Variants in FLT1 observed in about 807,000 individuals in gnomAD.
FLT1 encodes fms related receptor tyrosine kinase 1.
A neutral mutation model predicts 156.3 loss-of-function variants in FLT1; 49 were observed. That is an observed-to-expected ratio of 0.31 (90% CI 0.25 to 0.40). The LOEUF is 0.40. FLT1 is among the 10% of genes least tolerant of loss of function. The probability of loss-of-function intolerance (pLI) is 1.00; values close to 1 mark genes in which losing one functional copy is unlikely to be tolerated. For missense variants in FLT1, 1,322 were observed against 1,637.2 expected (o/e 0.81, Z 3.32); for synonymous variants, 594 against 583.8 (o/e 1.02, Z -0.25).
rs1399747085 is a variant in FLT1, at chr13:28,380,969, C to A, written c.2116+3916G>T. Among the ~76,000 whole-genome samples the A allele has an allele frequency of 1.3e-5, 2 of 152,058 alleles. 1 individual carries two copies. Among genetic ancestry groups the A allele is most frequent in the East Asian group, 3.8e-4 (2 of 5,196 alleles). On this transcript the variant is annotated intron_variant, in intron 14 of 29. Coordinates refer to ENST00000282397, the MANE Select transcript of FLT1 (RefSeq NM_002019.4). ...TAAGGAATAATGAGTTGCCCAAATT[C>A]TTATATGACTCATGAGGGCCATGCT...
At chr13:28,320,364 T>C (rs1429304498) in intron 23 of FLT1, among the ~76,000 whole-genome samples, 2 of 152,206 alleles carry the variant, frequency 1.3e-5, no homozygotes, top group South Asian at 2.1e-4. Context: ...TTTCCTTCTA[T>C]ACAACAGATT....
chr13:28,356,743 A>C (rs1419170280), intron 15 of FLT1, among the ~76,000 whole-genome samples: 1 of 152,236 alleles, frequency 6.6e-6, no homozygotes, highest in Admixed American at 6.5e-5. Flanking sequence ...GCATTTGGAA[A>C]TAGGCTACTG....
intron 6 of FLT1, among the ~76,000 whole-genome samples, chr13:28,433,611 C>A (rs1877834953): frequency 1.3e-5 from 2 of 152,130 alleles, no homozygotes; most frequent in South Asian, 4.2e-4. Flanking sequence ...AAACAAAACC[C>A]CCAGACATCA....
chr13:28,302,559 G>A lies in FLT1; in HGVS notation c.*608C>T, dbSNP rs1011715561. On this transcript the variant is annotated 3_prime_UTR_variant, in exon 30 of 30. Transcript: ENST00000282397. The stretch of plus-strand genomic sequence containing the variant: ...TGGCTGGGCCCTCAAATGTAGAAGG[G>A]TCAGAGCTGGGAAGCCACTGAAATG... 1 of 233,432 alleles carries A rather than the reference G, an allele frequency of 4.3e-6. No individual in the cohort carries two copies. Among genetic ancestry groups the A allele is most frequent in the Admixed American group, 5.6e-5 (1 of 17,802 alleles). The allele number at this position is 233,432 out of a possible 1,614,324, so 14.5% of individuals were successfully genotyped here. A position where few individuals can be genotyped will look rare whatever the true frequency, so the allele number is the denominator to read the frequency against.
intron 26 of FLT1, 62 bp from the exon 27 acceptor site, chr13:28,311,794 C>G: frequency 6.4e-7 from 1 of 1,567,996 alleles, no homozygotes; most frequent in Non-Finnish European, 8.8e-7. Flanking sequence ...TTCTATGAAC[C>G]ATTATGTCAA....
intron 15 of FLT1, 21 bp downstream of exon 15, chr13:28,357,533 C>A (rs1461942111): frequency 1.2e-6 from 2 of 1,613,552 alleles, no homozygotes; most frequent in African/African-American, 2.7e-5. Flanking sequence ...TTTCTTGTTG[C>A]TTTCTTAAGC....
At chr13:28,429,098 T>G (rs1877521977) in intron 8 of FLT1, among the ~76,000 whole-genome samples, 1 of 152,186 alleles carries the variant, frequency 6.6e-6, no homozygotes, top group Non-Finnish European at 1.5e-5. Context: ...TTCAATTTAC[T>G]ATTAAACCTA....
At chr13:28,387,229 T>C (rs1169757205) in intron 13 of FLT1, 6 of 1,038,910 alleles carry the variant, frequency 5.8e-6, no homozygotes, top group Non-Finnish European at 7.0e-6. Flanking sequence ...CTCTGAAATA[T>C]ACAGTAATAT....
rs1871008535 is a variant in FLT1 at position 28,311,638 on chromosome 13, T to C, written c.3587A>G (p.Glu1196Gly). ...TPAFSEDFFK[E>G]SISAPKFNSG... ...ATTAAACTTCGGAGCTGAAATACTT[T>C]CCTTGAAGAAGTCCTCAGAGAAGGC... Residue 1196 changes from glutamate to glycine, a missense_variant, in exon 27 of 30, where the codon GAA becomes GGA. Glu to Gly is a moderately conservative substitution (Grantham distance 98). Around this residue, in one of 3 missense-constraint regions of FLT1, gnomAD observed 329 missense variants for 366.2 expected, o/e 0.90. Transcript: ENST00000282397. 1 of 1,613,908 alleles carries C rather than the reference T, an allele frequency of 6.2e-7. No individual in the cohort carries two copies. Among genetic ancestry groups the C allele is most frequent in the African/African-American group, 1.3e-5 (1 of 75,042 alleles).
intron 14 of FLT1, among the ~76,000 whole-genome samples, chr13:28,380,347 G>A (rs188827441): frequency 6.6e-6 from 1 of 152,298 alleles, no homozygotes; most frequent in East Asian, 1.9e-4. Context: ...AAGGGTCATC[G>A]TCATGGAGCA....
At chr13:28,425,252 C>T (rs1877272153) in intron 10 of FLT1, among the ~76,000 whole-genome samples, 1 of 152,096 alleles carries the variant, frequency 6.6e-6, no homozygotes, top group Non-Finnish European at 1.5e-5. Flanking sequence ...GCATATGCAA[C>T]CTTAAACTTC....
rs1165132399 is a variant in FLT1 at position 28,319,540 on chromosome 13, A to G, written c.3175-6T>C. 1.3e-6 allele frequency: 2 copies of G among 1,583,540 alleles called. No homozygotes were observed. Among genetic ancestry groups the G allele is most frequent in the Non-Finnish European group, 1.7e-6 (2 of 1,152,752 alleles). ...CATTTCAGAGGAAGTCGAGTCTAGAAGAGGGCAAGGGGGCCTTGAGCAGAA... is the reference window on the plus strand; with the variant it reads ...CATTTCAGAGGAAGTCGAGTCTAGAGGAGGGCAAGGGGGCCTTGAGCAGAA... On this transcript the variant is annotated splice_polypyrimidine_tract_variant and splice_region_variant and intron_variant, in intron 23 of 29. Transcript: ENST00000282397.
intron 14 of FLT1, among the ~76,000 whole-genome samples, chr13:28,382,502 C>T (rs1481766717): frequency 1.3e-5 from 2 of 152,090 alleles, no homozygotes; most frequent in Admixed American, 6.6e-5. Context: ...GAGTTGGAGC[C>T]GGTGGAAGAC....
At position 28,387,014 on chromosome 13, in the gene FLT1, A is replaced by G. The variant is rs1297418144; in HGVS notation, c.1970-1983T>C. 11 of 1,038,888 alleles carry G rather than the reference A, an allele frequency of 1.1e-5. No homozygotes were observed. In the Admixed American group the frequency reaches 1.7e-4, roughly 16 times the overall value. 64.4% of individuals were successfully genotyped at this position (1,038,888 alleles called of 1,614,324 possible). On this transcript the variant is annotated intron_variant, in intron 13 of 29. Transcript: ENST00000282397. ...AATTGTTTTTCTAGCTACAAAGTAT[A>G]GCATCATCAACACAGACACGATTTG...
chr13:28,452,350 G>A (rs542002403), intron 3 of FLT1, among the ~76,000 whole-genome samples: 3 of 152,272 alleles, frequency 2.0e-5, no homozygotes, highest in African/African-American at 7.2e-5. Context: ...TTCTGTAAAG[G>A]AATTTCTCTT....
intron 17 of FLT1, among the ~76,000 whole-genome samples, chr13:28,337,286 A>G (rs913385200): frequency 2.2e-4 from 34 of 152,134 alleles, no homozygotes; most frequent in African/African-American, 8.2e-4. Context: ...GGCTGCTGAT[A>G]GTAACCAACA....
intron 12 of FLT1, among the ~76,000 whole-genome samples, chr13:28,394,748 A>G (rs1476714543): frequency 6.6e-6 from 1 of 152,158 alleles, no homozygotes; most frequent in Non-Finnish European, 1.5e-5. Flanking sequence ...TATGGGGCCA[A>G]GTGAGCATGC....
chr13:28,300,521 CCACACA>C lies in FLT1; in HGVS notation c.*2640_*2645del, dbSNP rs57419092. 0.62 allele frequency: 139,952 copies of C among 225,178 alleles called. 38,514 individuals carry two copies. Among genetic ancestry groups the C allele is most frequent in the Admixed American group, 0.77 (13,245 of 17,186 alleles). The allele number at this position is 225,178 out of a possible 1,614,324, so 13.9% of individuals were successfully genotyped here. A position where few individuals can be genotyped will look rare whatever the true frequency, so the allele number is the denominator to read the frequency against. On this transcript the variant is annotated 3_prime_UTR_variant, in exon 30 of 30. Coordinates refer to ENST00000282397, the MANE Select transcript of FLT1 (RefSeq NM_002019.4). ...AGTTATGCACAAAACACACATACAC[CCACACA>C]CACACACACACACACACACACACAC...
rs1874576177 is a variant in FLT1, at chr13:28,389,567, C to T, written c.1969+229G>A. ...CTGAATGGGGGGCCCAGAGCTGGGG[C>T]CCGGGGGTCTCATTATTACTGCTAT... On this transcript the variant is annotated intron_variant, in intron 13 of 29. Coordinates refer to ENST00000282397, the MANE Select transcript of FLT1 (RefSeq NM_002019.4). The T allele has an allele frequency of 2.8e-6, 4 of 1,437,764 alleles. No individual in the cohort carries two copies. In the African/African-American group the frequency reaches 4.3e-5, roughly 15 times the overall value. The allele number at this position is 1,437,764 out of a possible 1,614,324, so 89.1% of individuals were successfully genotyped here.
Sources: gnomAD v4.1 joint callset for allele counts (sites outside exome capture counted in the v4.1 genomes callset) on GRCh38, gnomAD v4.1.1 for gene constraint, gnomAD v4.1.1 regional missense constraint, MANE v1.5 for transcripts, NCBI Gene and HGNC (gene_info 2026-07-23, HGNC 2026-07-21) for gene names.